Variants in PPP1R16B observed in about 807,000 individuals in gnomAD.
The protein encoded by PPP1R16B is protein phosphatase 1 regulatory subunit 16B, also known as protein phosphatase 1 regulatory inhibitor subunit 16B.
In PPP1R16B, 14 loss-of-function variants were observed where a neutral mutation model predicts 61.7. That is an observed-to-expected ratio of 0.23 (90% CI 0.15 to 0.35). PPP1R16B has a LOEUF of 0.35. PPP1R16B is among the 10% of genes least tolerant of loss of function. The probability of loss-of-function intolerance (pLI) is 1.00; values close to 1 mark genes in which losing one functional copy is unlikely to be tolerated. For missense variants in PPP1R16B, 547 were observed against 752.5 expected (o/e 0.73, Z 3.19); for synonymous variants, 266 against 305.3 (o/e 0.87, Z 1.34).
intron 2 of PPP1R16B, 137 bp downstream of exon 2, chr20:38,836,312 T>C: frequency 7.8e-7 from 1 of 1,281,730 alleles, no homozygotes; most frequent in Non-Finnish European, 1.1e-6. Context: ...GCCCCATTCC[T>C]CTTAGGAAGT....
intron 2 of PPP1R16B, among the ~76,000 whole-genome samples, chr20:38,870,242 G>A (rs1568668471): frequency 6.6e-6 from 1 of 152,150 alleles, no homozygotes; most frequent in Non-Finnish European, 1.5e-5. Context: ...CCGGCCTGCA[G>A]AGCAAAAATT....
chr20:38,895,818 C>T (rs1481975335), intron 4 of PPP1R16B, 108 bp downstream of exon 4: 4 of 1,164,192 alleles, frequency 3.4e-6, no homozygotes, highest in Non-Finnish European at 4.7e-6. Flanking sequence ...TCCTCCCTTC[C>T]TCCTTCCTTC....
intron 2 of PPP1R16B, among the ~76,000 whole-genome samples, chr20:38,858,327 AT>A (rs1249611711): frequency 1.3e-5 from 2 of 152,078 alleles, no homozygotes; most frequent in East Asian, 3.9e-4. Flanking sequence ...GGAGAAACTG[AT>A]GGGGGAATTC....
rs564142588 is a variant in PPP1R16B, at chr20:38,834,183, A to T, written c.-101-1642A>T. On this transcript the variant is annotated intron_variant, in intron 1 of 10. Transcript: ENST00000299824. Reference sequence around the variant, plus strand: ...CAGCTCTTTTTTAAAAAATTATTTTATTTTTTTGTAGAGATAAGGGTCTCG... The same window carrying T: ...CAGCTCTTTTTTAAAAAATTATTTTTTTTTTTTGTAGAGATAAGGGTCTCG... Among the ~76,000 whole-genome samples the T allele has an allele frequency of 5.9e-5, 9 of 152,074 alleles. 1 individual carries two copies. The East Asian group carries it at 1.5e-3, about 26-fold the overall frequency.
intron 1 of PPP1R16B, among the ~76,000 whole-genome samples, chr20:38,824,585 T>G (rs2084793283): frequency 6.6e-6 from 1 of 152,280 alleles, no homozygotes; most frequent in Non-Finnish European, 1.5e-5. Flanking sequence ...ATCTGCTCTC[T>G]GCGTTGCCCT....
At position 38,907,923 on chromosome 20, in the gene PPP1R16B, C is replaced by T; in HGVS notation, c.1016C>T (p.Ala339Val). ...KSSLSRRTSS[A>V]GSRGKVVRRA... ...TCCTTGAGCCGGAGGACCTCCAGCGCAGGCAGCCGTGGGTGAGTCCGGGGC... is the reference window on the plus strand; with the variant it reads ...TCCTTGAGCCGGAGGACCTCCAGCGTAGGCAGCCGTGGGTGAGTCCGGGGC... The change falls in exon 9 of 11, where the codon GCA becomes GTA. Residue 339 changes from alanine (A) to valine (V), a missense_variant. By Grantham distance (64) the Ala-to-Val change is moderately conservative. Coordinates refer to ENST00000299824, the MANE Select transcript of PPP1R16B (RefSeq NM_015568.4). The surrounding 1 kb of genome is among the most constrained non-coding windows in gnomAD (Gnocchi z 4.5). The T allele has an allele frequency of 6.2e-7, 1 of 1,614,220 alleles. No homozygotes were observed. The highest frequency in any genetic ancestry group is 8.5e-7 in the Non-Finnish European group (1 of 1,180,034).
intron 1 of PPP1R16B, among the ~76,000 whole-genome samples, chr20:38,812,981 G>A (rs151199747): frequency 1.3e-5 from 2 of 152,140 alleles, no homozygotes; most frequent in Non-Finnish European, 2.9e-5. Context: ...CTCCCAGGGG[G>A]TGTCAAGCTG....
intron 1 of PPP1R16B, among the ~76,000 whole-genome samples, chr20:38,820,672 T>G (rs931999433): frequency 1.3e-5 from 2 of 151,932 alleles, no homozygotes; most frequent in African/African-American, 4.8e-5. Flanking sequence ...TAAAAAGTGG[T>G]TGTACCAATT....
chr20:38,921,558 T>C lies in PPP1R16B; in HGVS notation c.*2892T>C, dbSNP rs1460731829. 1 of 152,228 alleles carries C rather than the reference T, an allele frequency of 6.6e-6. No homozygotes were observed. Among genetic ancestry groups the C allele is most frequent in the Non-Finnish European group, 1.5e-5 (1 of 68,030 alleles). The allele number at this position is 152,228 out of a possible 1,614,324, so 9.4% of individuals were successfully genotyped here. ...GAATTCCTTTAGCTGGGAACAGCTG[T>C]CATGGTCACCCCTGGATAACATTTG... On this transcript the variant is annotated 3_prime_UTR_variant, in exon 11 of 11. Coordinates refer to ENST00000299824, the MANE Select transcript of PPP1R16B (RefSeq NM_015568.4).
In PPP1R16B at chr20:38,895,757, CT is replaced by C. The variant is rs759691633; in HGVS notation, c.467+52del. 3.3e-6 allele frequency: 5 copies of C among 1,527,036 alleles called. No homozygotes were observed. The South Asian group carries it at 6.0e-5, about 18-fold the overall frequency. 94.6% of individuals were successfully genotyped at this position (1,527,036 alleles called of 1,614,324 possible). A position where few individuals can be genotyped will look rare whatever the true frequency, so the allele number is the denominator to read the frequency against. ...AGAGCAGCCTCCCTCCACCTCTTGT[CT>C]TTTTCCAACTTCCTTCTTTCTCTCC... is the stretch of plus-strand genomic sequence containing the variant. On this transcript the variant is annotated intron_variant, in intron 4 of 10. Transcript: ENST00000299824.
intron 2 of PPP1R16B, among the ~76,000 whole-genome samples, chr20:38,875,366 C>G (rs1427736845): frequency 6.6e-6 from 1 of 152,182 alleles, no homozygotes; most frequent in African/African-American, 2.4e-5. Context: ...CTCCTGTTTC[C>G]TCTCTGCCCA....
intron 10 of PPP1R16B, among the ~76,000 whole-genome samples, chr20:38,915,859 C>T (rs1032555999): frequency 3.3e-5 from 5 of 151,744 alleles, no homozygotes; most frequent in Non-Finnish European, 5.9e-5. Flanking sequence ...TGTCTCAGAT[C>T]TTTGCCACTC....
intron 2 of PPP1R16B, among the ~76,000 whole-genome samples, chr20:38,879,436 C>T (rs1471340530): frequency 6.6e-6 from 1 of 152,072 alleles, no homozygotes; most frequent in Non-Finnish European, 1.5e-5. Context: ...GAAGTGATTC[C>T]CCACCTCACC....
chr20:38,908,340 A>T (rs978040895), intron 10 of PPP1R16B, 147 bp downstream of exon 10: 22 of 1,040,492 alleles, frequency 2.1e-5, no homozygotes, highest in Non-Finnish European at 3.1e-5. Flanking sequence ...TCTGATGATG[A>T]TGGCTACTGT....
At chr20:38,914,372 A>G (rs2085516135) in intron 10 of PPP1R16B, among the ~76,000 whole-genome samples, 1 of 152,166 alleles carries the variant, frequency 6.6e-6, no homozygotes, top group Non-Finnish European at 1.5e-5. Context: ...CATTCCCCAG[A>G]ACACAAAATG....
chr20:38,890,062 T>C (rs1341239866), intron 3 of PPP1R16B, among the ~76,000 whole-genome samples: 2 of 152,212 alleles, frequency 1.3e-5, no homozygotes, highest in Non-Finnish European at 2.9e-5. Flanking sequence ...TGAGGTCACA[T>C]GGTCTTGATT....
intron 2 of PPP1R16B, among the ~76,000 whole-genome samples, chr20:38,837,948 T>C (rs1361990022): frequency 6.6e-6 from 1 of 152,224 alleles, no homozygotes. Flanking sequence ...GTACTATGTA[T>C]AGTGCTTTAA....
chr20:38,889,508 G>C (rs1364542512), intron 2 of PPP1R16B, 87 bp from the exon 3 acceptor site: 1 of 1,167,036 alleles, frequency 8.6e-7, no homozygotes, highest in Admixed American at 1.7e-5. Context: ...TCATAGGCCT[G>C]GGGGAGAGCG....
intron 3 of PPP1R16B, among the ~76,000 whole-genome samples, chr20:38,893,416 AT>A (rs2085306251): frequency 6.6e-6 from 1 of 152,174 alleles, no homozygotes; most frequent in Non-Finnish European, 1.5e-5. Flanking sequence ...ACATGATTAG[AT>A]TAATGAAGAA....
Sources: allele counts gnomAD v4.1 joint callset (sites outside exome capture counted in the v4.1 genomes callset), GRCh38; gene constraint gnomAD v4.1.1; non-coding constraint Gnocchi (gnomAD v3.1); transcripts MANE v1.5; gene names NCBI Gene and HGNC (gene_info 2026-07-23, HGNC 2026-07-21).